The following KHDRBS2 variants were observed in gnomAD, a reference collection of about 807,000 sequenced individuals.
The protein encoded by KHDRBS2 is KH RNA binding domain containing, signal transduction associated 2, also known as KH domain-containing, RNA-binding, signal transduction-associated protein 2.
KHDRBS2 carries 26 observed loss-of-function variants against 44.3 expected under a neutral mutation model. The ratio of observed to expected loss-of-function variants is 0.59; its 90% CI spans 0.43 to 0.81. The LOEUF (loss-of-function observed/expected upper bound fraction) is 0.81, where lower values mean the gene tolerates loss of function less well. Among genes scored for constraint, KHDRBS2 ranks in the 40% least tolerant of loss-of-function variants. KHDRBS2 has a pLI of 0.00. For synonymous variants in KHDRBS2, 194 were observed against 151.1 expected, an observed-to-expected ratio of 1.28 and a Z score of -2.08; for missense variants, 476 against 433.1, an observed-to-expected ratio of 1.10 and a Z score of -0.88.
At chr6:62,117,406 G>T (rs1161004275) in intron 2 of KHDRBS2, among the ~76,000 whole-genome samples, 1 of 151,840 alleles carries the variant, frequency 6.6e-6, no homozygotes, top group Non-Finnish European at 1.5e-5. Flanking sequence ...TCTTTTTTTT[G>T]AGAGATGTCT....
At chr6:62,095,878 T>C (rs1800490599) in intron 2 of KHDRBS2, among the ~76,000 whole-genome samples, 1 of 151,870 alleles carries the variant, frequency 6.6e-6, no homozygotes. Flanking sequence ...ATTTATTACA[T>C]TGAGGTGCAT....
At chr6:62,185,578 C>A (rs1823251351) in intron 1 of KHDRBS2, among the ~76,000 whole-genome samples, 1 of 151,930 alleles carries the variant, frequency 6.6e-6, no homozygotes. Context: ...AGTATCTTCA[C>A]AAGTAATTAT....
Position 62,222,457 on chromosome 6 carries a change from C to T in KHDRBS2, c.92-45145G>A, listed in dbSNP as rs140796791. Among the ~76,000 whole-genome samples, 819 of 152,166 alleles carry T rather than the reference C, an allele frequency of 5.4e-3. 4 individuals carry two copies. Among genetic ancestry groups the T allele is most frequent in the Middle Eastern group, 0.017 (5 of 294 alleles). ...AATGAGAGATGCAAAAGCAGAAACC[C>T]CTGATAAAACCATCAAATCTCATGA... On this transcript the variant is annotated intron_variant, in intron 1 of 8. Transcript: ENST00000281156.
At chr6:62,113,427 G>T (rs1421204418) in intron 2 of KHDRBS2, among the ~76,000 whole-genome samples, 1 of 152,090 alleles carries the variant, frequency 6.6e-6, no homozygotes, top group Non-Finnish European at 1.5e-5. Context: ...TTAATTTGGA[G>T]AAATCATTTT....
the KHDRBS2 span, among the ~76,000 whole-genome samples, chr6:61,583,492 T>C: frequency 6.6e-6 from 1 of 151,740 alleles, no homozygotes; most frequent in South Asian, 2.1e-4. Flanking sequence ...TTTACCTCAA[T>C]GAATTACTTT....
chr6:61,741,797 G>C (rs1180283889), intron 6 of KHDRBS2, among the ~76,000 whole-genome samples: 1 of 152,066 alleles, frequency 6.6e-6, no homozygotes, highest in East Asian at 1.9e-4. Flanking sequence ...GCGGCTTCTA[G>C]AAGAAAATCA....
chr6:62,047,585 T>C (rs1787991307), intron 3 of KHDRBS2, among the ~76,000 whole-genome samples: 2 of 151,614 alleles, frequency 1.3e-5, no homozygotes, highest in East Asian at 1.9e-4. Context: ...CACAGACATA[T>C]AGAAACATTC....
the KHDRBS2 span, among the ~76,000 whole-genome samples, chr6:61,580,806 A>G: frequency 6.6e-6 from 1 of 152,162 alleles, no homozygotes; most frequent in Admixed American, 6.5e-5. Context: ...ATCTGAAGGA[A>G]CAAACTCTAG....
At chr6:61,890,040 C>T (rs1253021347) in intron 6 of KHDRBS2, among the ~76,000 whole-genome samples, 6 of 152,190 alleles carry the variant, frequency 3.9e-5, no homozygotes, top group East Asian at 3.9e-4. Flanking sequence ...CACCTCTCTC[C>T]GGAGCACTTA....
intron 2 of KHDRBS2, among the ~76,000 whole-genome samples, chr6:62,107,710 T>C (rs1043443799): frequency 6.6e-6 from 1 of 152,104 alleles, no homozygotes; most frequent in African/African-American, 2.4e-5. Flanking sequence ...AAGGCTACAA[T>C]AACCAAAACA....
At chr6:61,559,316 A>T in the KHDRBS2 span, among the ~76,000 whole-genome samples, 1 of 149,646 alleles carries the variant, frequency 6.7e-6, no homozygotes, top group Non-Finnish European at 1.5e-5. Context: ...TTATATGTGA[A>T]TTGTGTTTCT....
downstream of KHDRBS2, among the ~76,000 whole-genome samples, chr6:61,678,639 A>G (rs1417994429): frequency 6.6e-6 from 1 of 151,956 alleles, no homozygotes; most frequent in Non-Finnish European, 1.5e-5. Flanking sequence ...AAGATTAACT[A>G]CTAATTCACA....
intron 6 of KHDRBS2, among the ~76,000 whole-genome samples, chr6:61,775,715 G>T (rs1781858464): frequency 6.6e-6 from 1 of 152,158 alleles, no homozygotes; most frequent in Admixed American, 6.5e-5. Flanking sequence ...TGGCCATACT[G>T]CCCAAGGTAA....
intron 2 of KHDRBS2, among the ~76,000 whole-genome samples, chr6:62,069,557 T>A (rs1794511960): frequency 6.6e-6 from 1 of 151,772 alleles, no homozygotes; most frequent in Non-Finnish European, 1.5e-5. Context: ...AGGTTTATGA[T>A]ACTACATTTA....
At chr6:62,132,497 C>A (rs1240774964) in intron 2 of KHDRBS2, among the ~76,000 whole-genome samples, 1 of 152,216 alleles carries the variant, frequency 6.6e-6, no homozygotes. Context: ...TCTGGTGACT[C>A]AGATGCAGCT....
In KHDRBS2 at chr6:61,894,745, G is replaced by A; in HGVS notation, c.700C>T (p.Pro234Ser). 6.2e-7 allele frequency: 1 copy of A among 1,613,692 alleles called. No homozygotes were observed. Among genetic ancestry groups the A allele is most frequent in the Non-Finnish European group, 8.5e-7 (1 of 1,179,826 alleles). Residue 234 changes from proline (P) to serine (S), a missense_variant, in exon 6 of 9, where the codon CCA becomes TCA. Transcript: ENST00000281156. ...RGSTVTRGAL[P>S]VPPVARGVPT... is the part of the protein sequence containing the mutation. The stretch of plus-strand genomic sequence containing the variant: ...ACACCTCTTGCTACAGGTGGCACTG[G>A]AAGCGCTCCACGGGTTACAGTGCTT...
chr6:61,820,853 T>C (rs370283158), intron 6 of KHDRBS2, among the ~76,000 whole-genome samples: 27 of 152,112 alleles, frequency 1.8e-4, no homozygotes, highest in African/African-American at 5.5e-4. Context: ...TGGAGATAAA[T>C]TGAATGGTAG....
chr6:61,609,907 C>T, the KHDRBS2 span, among the ~76,000 whole-genome samples: 93,539 of 151,954 alleles, frequency 0.62, 29,008 homozygotes, highest in Non-Finnish European at 0.65. Flanking sequence ...GGTGCGGTGG[C>T]TCACGCCTAA....
chr6:62,104,654 T>C (rs1802717174), intron 2 of KHDRBS2, among the ~76,000 whole-genome samples: 1 of 151,578 alleles, frequency 6.6e-6, no homozygotes, highest in Non-Finnish European at 1.5e-5. Flanking sequence ...AAACAATCCA[T>C]AAGGATAAGG....
Sources: allele counts gnomAD v4.1 joint callset (sites outside exome capture counted in the v4.1 genomes callset), GRCh38; gene constraint gnomAD v4.1.1; transcripts MANE v1.5; gene names NCBI Gene and HGNC (gene_info 2026-07-23, HGNC 2026-07-21).